ASCC3: variants seen among roughly 807,000 people sequenced by gnomAD.
The protein encoded by ASCC3 is ASC-1 complex subunit P200.
In ASCC3, 158 loss-of-function variants were observed where a neutral mutation model predicts 256.3. The observed-to-expected ratio is 0.62, with a 90% confidence interval of 0.54 to 0.70. The LOEUF (loss-of-function observed/expected upper bound fraction) is 0.70, where lower values mean the gene tolerates loss of function less well. ASCC3 is among the 30% of genes least tolerant of loss of function. The pLI is 0.00. For missense variants in ASCC3, 2,259 were observed against 2,626.0 expected (o/e 0.86, Z 3.05); for synonymous variants, 948 against 883.4 (o/e 1.07, Z -1.30).
chr6:100,834,429 C>A (rs1472691814), intron 4 of ASCC3, among the ~76,000 whole-genome samples: 1 of 152,130 alleles, frequency 6.6e-6, no homozygotes, highest in East Asian at 1.9e-4. Context: ...TTAGGCTTAT[C>A]CCAACCTCTT....
chr6:100,515,135 T>C (rs552002999), intron 39 of ASCC3, among the ~76,000 whole-genome samples: 5 of 152,334 alleles, frequency 3.3e-5, no homozygotes, highest in East Asian at 1.9e-4. Context: ...TTTCATCGTA[T>C]CTAAAACTTG....
chr6:100,823,108 A>G (rs1362036369), intron 4 of ASCC3, among the ~76,000 whole-genome samples: 1 of 152,198 alleles, frequency 6.6e-6, no homozygotes, highest in Non-Finnish European at 1.5e-5. Context: ...CTCCAAGATG[A>G]TCCCATCAGA....
At chr6:100,725,817 G>T in intron 10 of ASCC3, 114 bp from the exon 11 acceptor site, 1 of 1,012,226 alleles carries the variant, frequency 9.9e-7, no homozygotes, top group Non-Finnish European at 1.5e-6. Flanking sequence ...AATAAAAAGT[G>T]TTTAGAATAG....
intron 30 of ASCC3, among the ~76,000 whole-genome samples, chr6:100,614,102 G>A (rs1408389263): frequency 6.6e-6 from 1 of 152,054 alleles, no homozygotes; most frequent in Non-Finnish European, 1.5e-5. Context: ...AAATCCCAGT[G>A]TAAGCACTTC....
chr6:100,874,243 G>A (rs1042510654), intron 1 of ASCC3, among the ~76,000 whole-genome samples: 1 of 151,940 alleles, frequency 6.6e-6, no homozygotes, highest in Non-Finnish European at 1.5e-5. Context: ...CGAGGCAGGC[G>A]GATCACGAGG....
chr6:100,678,643 G>GTT (rs768118038), intron 14 of ASCC3, among the ~76,000 whole-genome samples: 22 of 151,896 alleles, frequency 1.4e-4, no homozygotes, highest in East Asian at 1.2e-3. Flanking sequence ...TAAATCTTAC[G>GTT]TTATATATAT....
chr6:100,714,548 T>C (rs1163768781), intron 13 of ASCC3, among the ~76,000 whole-genome samples: 1 of 152,288 alleles, frequency 6.6e-6, no homozygotes, highest in African/African-American at 2.4e-5. Context: ...TAATAGTACC[T>C]GCCTCATAGG....
intron 36 of ASCC3, among the ~76,000 whole-genome samples, chr6:100,547,723 G>C (rs2114678065): frequency 6.6e-6 from 1 of 152,080 alleles, no homozygotes; most frequent in South Asian, 2.1e-4. Flanking sequence ...CTTTGGAAAA[G>C]AGTCTCATGT....
chr6:100,528,448 T>C (rs1774704711), intron 37 of ASCC3, among the ~76,000 whole-genome samples: 2 of 152,194 alleles, frequency 1.3e-5, no homozygotes, highest in African/African-American at 4.8e-5. Context: ...TGATTTATTT[T>C]TTTGGCTAGC....
rs756955287 is a variant in ASCC3, at chr6:100,767,293, A to G, written c.1448T>C (p.Ile483Thr). ...GMKRLNRIQS[I>T]VFETAYNTNE... ...GGTGTTGTAGGCAGTCTCAAACACT[A>G]TTGACTGGATTCTATTGAGTCTCTT... Residue 483 changes from isoleucine to threonine, a missense_variant, in exon 9 of 42, where the codon ATA becomes ACA. Physicochemically the swap from Ile to Thr is moderately conservative, Grantham distance 89. Coordinates refer to ENST00000369162, the MANE Select transcript of ASCC3 (RefSeq NM_006828.4). 1 of 1,613,976 alleles carries G rather than the reference A, an allele frequency of 6.2e-7. No homozygotes were observed. The highest frequency in any genetic ancestry group is 8.5e-7 in the Non-Finnish European group (1 of 1,179,992).
At chr6:100,602,078 A>C (rs897883338) in intron 33 of ASCC3, 143 bp from the exon 34 acceptor site, 27 of 781,614 alleles carry the variant, frequency 3.5e-5, no homozygotes, top group Non-Finnish European at 5.0e-5. Flanking sequence ...TTAGTATATA[A>C]TTTTGTATAC....
At chr6:100,747,119 A>G (rs2115084623) in intron 10 of ASCC3, among the ~76,000 whole-genome samples, 2 of 145,614 alleles carry the variant, frequency 1.4e-5, no homozygotes, top group Middle Eastern at 6.8e-3. Context: ...CACAACACCA[A>G]AGAAAACATA....
At chr6:100,758,604 T>C (rs1406242852) in intron 10 of ASCC3, among the ~76,000 whole-genome samples, 1 of 152,212 alleles carries the variant, frequency 6.6e-6, no homozygotes, top group African/African-American at 2.4e-5. Context: ...TTCCATGGTG[T>C]CTATATACCA....
In ASCC3 at chr6:100,848,587, G is replaced by A; in HGVS notation, c.362C>T (p.Pro121Leu). 1.2e-6 allele frequency: 2 copies of A among 1,614,024 alleles called. No individual in the cohort carries two copies. The highest frequency in any genetic ancestry group is 2.2e-5 in the South Asian group (2 of 91,072). The change falls in exon 4 of 42, where the codon CCC becomes CTC. Residue 121 changes from proline to leucine, a missense_variant. Physicochemically the swap from Pro to Leu is moderately conservative, Grantham distance 98 (BLOSUM62 -3). Around this residue, in one of 2 missense-constraint regions of ASCC3, gnomAD observed 420 missense variants for 419.3 expected, o/e 1.00. Transcript: ENST00000369162. Reference protein sequence around the residue: ...ETKAIKQMFGPFPSSSATAAC... With the variant: ...ETKAIKQMFGLFPSSSATAAC... ...TGCAGTGGCAGATGATGAAGGAAAG[G>A]GGCCAAACATCTGTTTGATAGCCTT...
At chr6:100,625,467 G>T in intron 29 of ASCC3, 133 bp from the exon 30 acceptor site, 2 of 1,018,196 alleles carry the variant, frequency 2.0e-6, no homozygotes, top group South Asian at 1.3e-5. Flanking sequence ...ATTATTGCAG[G>T]TACTACATGG....
At chr6:100,690,854 C>G (rs963566457) in intron 13 of ASCC3, among the ~76,000 whole-genome samples, 1 of 152,114 alleles carries the variant, frequency 6.6e-6, no homozygotes, top group African/African-American at 2.4e-5. Context: ...TGCAGCTCTT[C>G]TCAAGAAACC....
chr6:100,580,390 T>C (rs1242642566), intron 36 of ASCC3, among the ~76,000 whole-genome samples: 2 of 152,048 alleles, frequency 1.3e-5, no homozygotes, highest in East Asian at 1.9e-4. Context: ...AGATCATCAC[T>C]TGAAACTATG....
chr6:100,559,926 C>G (rs532307731), intron 36 of ASCC3, among the ~76,000 whole-genome samples: 1 of 151,270 alleles, frequency 6.6e-6, no homozygotes, highest in South Asian at 2.1e-4. Flanking sequence ...ATTCATTACT[C>G]AAAAAGATAA....
At chr6:100,750,201 G>A (rs541926302) in intron 10 of ASCC3, among the ~76,000 whole-genome samples, 5 of 152,034 alleles carry the variant, frequency 3.3e-5, no homozygotes, top group East Asian at 3.9e-4. Flanking sequence ...CAGGATCTCT[G>A]TACTTGCTTA....
Sources: gnomAD v4.1 joint callset for allele counts (sites outside exome capture counted in the v4.1 genomes callset) on GRCh38, gnomAD v4.1.1 for gene constraint, gnomAD v4.1.1 regional missense constraint, MANE v1.5 for transcripts, NCBI Gene and HGNC (gene_info 2026-07-23, HGNC 2026-07-21) for gene names.